The following ATP6V0A2 variants were observed in gnomAD, a reference collection of about 807,000 sequenced individuals.
ATP6V0A2 encodes ATPase H+ transporting V0 subunit a2, also known as V-type proton ATPase 116 kDa subunit a 2.
A neutral mutation model predicts 104.4 loss-of-function variants in ATP6V0A2; 58 were observed. The ratio of observed to expected loss-of-function variants is 0.56; its 90% CI spans 0.45 to 0.69. The LOEUF (loss-of-function observed/expected upper bound fraction) is 0.69, where lower values mean the gene tolerates loss of function less well. Ranked by LOEUF, ATP6V0A2 falls within the 30% of genes least tolerant of loss-of-function variation. The probability of loss-of-function intolerance (pLI) is 0.00; values close to 1 mark genes in which losing one functional copy is unlikely to be tolerated. For synonymous variants in ATP6V0A2, 376 were observed against 397.9 expected (o/e 0.95, Z 0.65); for missense variants, 938 against 1,062.9 (o/e 0.88, Z 1.63).
chr12:123,725,313 C>T (rs1388055554), intron 4 of ATP6V0A2, among the ~76,000 whole-genome samples: 1 of 151,912 alleles, frequency 6.6e-6, no homozygotes, highest in African/African-American at 2.4e-5. Context: ...GAGCCATTTC[C>T]TGTGTTGGTT....
intron 1 of ATP6V0A2, among the ~76,000 whole-genome samples, chr12:123,713,466 G>A (rs1464263773): frequency 1.2e-4 from 18 of 152,094 alleles, no homozygotes; most frequent in Non-Finnish European, 2.5e-4. Context: ...CAACCTCTGA[G>A]AGTAAGTACC....
intron 9 of ATP6V0A2, 33 bp from the exon 10 acceptor site, chr12:123,743,752 G>A (rs1382439648): frequency 1.2e-6 from 2 of 1,612,538 alleles, no homozygotes; most frequent in South Asian, 2.2e-5. Context: ...TTCTTGGATA[G>A]TAATTTTTTA....
chr12:123,736,945 C>A, intron 8 of ATP6V0A2, 114 bp from the exon 9 acceptor site: 1 of 1,034,662 alleles, frequency 9.7e-7, no homozygotes, highest in Non-Finnish European at 1.5e-6. Context: ...TAGGCAGGTG[C>A]CTGGAATGAT....
chr12:123,713,499 T>C (rs1186253075), intron 1 of ATP6V0A2, among the ~76,000 whole-genome samples: 3 of 152,098 alleles, frequency 2.0e-5, no homozygotes, highest in Admixed American at 6.5e-5. Context: ...TTGGCAGTCA[T>C]TGGCATCGAT....
chr12:123,748,501 C>A, intron 14 of ATP6V0A2, 74 bp from the exon 15 acceptor site: 1 of 1,118,712 alleles, frequency 8.9e-7, no homozygotes, highest in Non-Finnish European at 1.4e-6. Flanking sequence ...AGTTTAGTTG[C>A]AGAGAGTTTA....
In ATP6V0A2 at chr12:123,744,558, T is replaced by A; in HGVS notation, c.1327-39T>A. 4.3e-6 allele frequency: 7 copies of A among 1,611,204 alleles called. No homozygotes were observed. Among genetic ancestry groups the A allele is most frequent in the Non-Finnish European group, 5.9e-6 (7 of 1,179,308 alleles). Reference sequence around the variant, plus strand: ...ACCGACAGCTGTCACATGGACACCCTCCAGTAACCATATTCTGCCCCCGCC... The same window carrying A: ...ACCGACAGCTGTCACATGGACACCCACCAGTAACCATATTCTGCCCCCGCC... On this transcript the variant is annotated intron_variant, in intron 11 of 19. Coordinates refer to ENST00000330342, the MANE Select transcript of ATP6V0A2 (RefSeq NM_012463.4). This position sits in a 1 kb window ranked among gnomAD's most constrained non-coding sequence, Gnocchi z 5.4.
intron 6 of ATP6V0A2, chr12:123,732,997 A>G (rs1956517316): frequency 6.6e-6 from 1 of 152,172 alleles, no homozygotes; most frequent in South Asian, 2.1e-4. Context: ...GATTCTTATT[A>G]TTTACAGTAG....
chr12:123,756,129 A>G (rs1392298303), intron 18 of ATP6V0A2, among the ~76,000 whole-genome samples: 1 of 151,142 alleles, frequency 6.6e-6, no homozygotes, highest in Admixed American at 6.6e-5. Flanking sequence ...TTGTTGGCCA[A>G]CAATATAGCC....
intron 1 of ATP6V0A2, among the ~76,000 whole-genome samples, chr12:123,715,503 G>T (rs1332398324): frequency 6.6e-6 from 1 of 152,218 alleles, no homozygotes; most frequent in Non-Finnish European, 1.5e-5. Context: ...CACTTACCAG[G>T]TTGAGCAGTT....
Position 123,712,781 on chromosome 12 carries a change from C to T in ATP6V0A2, c.117+99C>T. 1.2e-5 allele frequency: 12 copies of T among 1,021,612 alleles called. No individual in the cohort carries two copies. In the South Asian group the frequency reaches 1.6e-4, roughly 14 times the overall value. 63.3% of individuals were successfully genotyped at this position (1,021,612 alleles called of 1,614,324 possible). A position where few individuals can be genotyped will look rare whatever the true frequency, so the allele number is the denominator to read the frequency against. On this transcript the variant is annotated intron_variant, in intron 1 of 19. Coordinates refer to ENST00000330342, the MANE Select transcript of ATP6V0A2 (RefSeq NM_012463.4). ...TCCCGCGGGGAGCACCGAGGAAGGG[C>T]GCGCCCCGTCCCCATTGTCCAGACG...
intron 18 of ATP6V0A2, among the ~76,000 whole-genome samples, chr12:123,755,254 A>G (rs1422599434): frequency 6.6e-6 from 1 of 152,112 alleles, no homozygotes; most frequent in Non-Finnish European, 1.5e-5. Flanking sequence ...AGAATAGGAC[A>G]GGCCAGGCAC....
chr12:123,745,141 A>G (rs1157929290), intron 13 of ATP6V0A2, among the ~76,000 whole-genome samples, 169 bp downstream of exon 13: 1 of 152,140 alleles, frequency 6.6e-6, no homozygotes, highest in Non-Finnish European at 1.5e-5. Context: ...GGAGGCCAGG[A>G]GCTGGGGGGC....
At chr12:123,747,804 G>GTATT in intron 14 of ATP6V0A2, 79 bp downstream of exon 14, 1 of 894,808 alleles carries the variant, frequency 1.1e-6, no homozygotes, top group Admixed American at 1.8e-5. Context: ...GTTGGTGACT[G>GTATT]TATTTATTGG....
Position 123,754,496 on chromosome 12 carries a change from C to T in ATP6V0A2, c.2252C>T (p.Ala751Val), listed in dbSNP as rs1956745026. The T allele has an allele frequency of 6.2e-7, 1 of 1,614,168 alleles. No individual in the cohort carries two copies. The highest frequency in any genetic ancestry group is 1.3e-5 in the African/African-American group (1 of 75,040). The part of the protein sequence containing the change: ...EYCLGCISNT[A>V]SYLRLWALSL... ...TGTCTGGGATGCATCTCCAACACCG[C>T]CTCCTACCTGAGGCTCTGGGCGCTT... is the stretch of plus-strand genomic sequence containing the variant. Residue 751 changes from alanine (A) to valine (V), a missense_variant, in exon 18 of 20, where the codon GCC (alanine) becomes GTC (valine). Ala to Val is a moderately conservative substitution (Grantham distance 64, BLOSUM62 0). Coordinates refer to ENST00000330342, the MANE Select transcript of ATP6V0A2 (RefSeq NM_012463.4).
Position 123,760,510 on chromosome 12 carries a change from T to A in ATP6V0A2, c.*2478T>A, listed in dbSNP as rs188468645. The A allele has an allele frequency of 7.2e-4, 109 of 152,358 alleles. No homozygotes were observed. Among genetic ancestry groups the A allele is most frequent in the African/African-American group, 2.3e-3 (96 of 41,582 alleles). The allele number at this position is 152,358 out of a possible 1,614,324, so 9.4% of individuals were successfully genotyped here. The stretch of plus-strand genomic sequence containing the variant: ...ATGTATCCAGTTTTTAAAACATACT[T>A]CATTCCCTTGATAGCAGAGATCCAG... On this transcript the variant is annotated 3_prime_UTR_variant, in exon 20 of 20. Coordinates refer to ENST00000330342, the MANE Select transcript of ATP6V0A2 (RefSeq NM_012463.4).
intron 1 of ATP6V0A2, among the ~76,000 whole-genome samples, chr12:123,718,141 G>A (rs1484516037): frequency 6.6e-6 from 1 of 151,034 alleles, no homozygotes; most frequent in Admixed American, 6.6e-5. Flanking sequence ...CCAGGTTGGA[G>A]TGCAAATGGC....
chr12:123,753,489 GC>G (rs1373465143), intron 17 of ATP6V0A2, among the ~76,000 whole-genome samples: 1 of 152,204 alleles, frequency 6.6e-6, no homozygotes, highest in African/African-American at 2.4e-5. Context: ...TTTCCTCTGT[GC>G]CTGCACCCCT....
At chr12:123,750,901 C>T (rs1292688644) in intron 15 of ATP6V0A2, 7 of 612,320 alleles carry the variant, frequency 1.1e-5, no homozygotes, top group South Asian at 5.8e-5. Context: ...AATACTTTAC[C>T]ACAGGGTCAT....
At chr12:123,739,935 AT>A (rs775160672) in intron 9 of ATP6V0A2, among the ~76,000 whole-genome samples, 1 of 152,062 alleles carries the variant, frequency 6.6e-6, no homozygotes, top group Non-Finnish European at 1.5e-5. Context: ...CTAGAAAAAT[AT>A]CTTTTCTTTT....
Sources: allele counts gnomAD v4.1 joint callset (sites outside exome capture counted in the v4.1 genomes callset), GRCh38; gene constraint gnomAD v4.1.1; non-coding constraint Gnocchi (gnomAD v3.1); transcripts MANE v1.5; gene names NCBI Gene and HGNC (gene_info 2026-07-23, HGNC 2026-07-21).